ACOT7: variants seen among roughly 807,000 people sequenced by gnomAD.
The protein encoded by ACOT7 is cytosolic acyl coenzyme A thioester hydrolase.
ACOT7 carries 12 observed loss-of-function variants against 40.2 expected under a neutral mutation model. The ratio of observed to expected loss-of-function variants is 0.30; its 90% CI spans 0.19 to 0.48. The LOEUF is 0.48. Among genes scored for constraint, ACOT7 ranks in the 20% least tolerant of loss-of-function variants. The pLI is 0.99. For synonymous variants in ACOT7, 228 were observed against 219.5 expected (o/e 1.04, Z -0.34); for missense variants, 395 against 530.8 (o/e 0.74, Z 2.51).
At chr1:6,391,923 T>C (rs1310520107) in intron 1 of ACOT7, among the ~76,000 whole-genome samples, 3 of 151,724 alleles carry the variant, frequency 2.0e-5, no homozygotes, top group South Asian at 2.1e-4. Flanking sequence ...ATGCAGGCTG[T>C]CTGTCTCCAG....
intron 6 of ACOT7, among the ~76,000 whole-genome samples, chr1:6,314,581 C>A (rs966076470): frequency 2.0e-5 from 3 of 151,798 alleles, no homozygotes; most frequent in African/African-American, 7.3e-5. Flanking sequence ...TCAGTCTGTA[C>A]AAGCAAACGT....
At chr1:6,333,681 C>T in intron 3 of ACOT7, 113 bp from the exon 4 acceptor site, 1 of 993,860 alleles carries the variant, frequency 1.0e-6, no homozygotes, top group African/African-American at 1.6e-5. Context: ...CTGAAACACA[C>T]CACAGTGTGC....
At chr1:6,273,254 G>A (rs757706303) in intron 8 of ACOT7, among the ~76,000 whole-genome samples, 2 of 152,234 alleles carry the variant, frequency 1.3e-5, no homozygotes, top group African/African-American at 2.4e-5. Context: ...TCAGGCAGAG[G>A]GAAGGCGAGA....
chr1:6,297,575 ACACAT>A (rs1639844436), intron 6 of ACOT7, among the ~76,000 whole-genome samples: 2 of 152,264 alleles, frequency 1.3e-5, no homozygotes, highest in South Asian at 4.1e-4. Flanking sequence ...TCTTCAAGAA[ACACAT>A]CCACCTAATG....
intron 2 of ACOT7, among the ~76,000 whole-genome samples, chr1:6,340,529 T>C (rs1234665581): frequency 6.6e-6 from 1 of 152,172 alleles, no homozygotes; most frequent in Non-Finnish European, 1.5e-5. Context: ...AAGATAACCA[T>C]GGTTACTATT....
rs540394075 is a variant in ACOT7 at position 6,348,555 on chromosome 1, T to C, written c.261+1194A>G. 5.3e-5 allele frequency among the ~76,000 whole-genome samples: 8 copies of C among 152,204 alleles called. No homozygotes were observed. In the East Asian group the frequency reaches 9.7e-4, roughly 18 times the overall value. On this transcript the variant is annotated intron_variant, in intron 2 of 8. Transcript: ENST00000361521. The stretch of plus-strand genomic sequence containing the variant: ...GGGACAGAGCCCTCACAAATGGGAT[T>C]AGTGTCCTTATAAAAGGGCCTGAGA...
chr1:6,305,967 A>C (rs994293448), intron 6 of ACOT7, among the ~76,000 whole-genome samples: 1 of 151,922 alleles, frequency 6.6e-6, no homozygotes, highest in East Asian at 1.9e-4. Flanking sequence ...CTGGCGGATC[A>C]CTCGCGGTTA....
Position 6,366,349 on chromosome 1 carries a change from G to T in ACOT7, c.144-16483C>A, listed in dbSNP as rs150909096. 4.5e-3 allele frequency among the ~76,000 whole-genome samples: 692 copies of T among 152,158 alleles called. 7 individuals carry two copies. Among genetic ancestry groups the T allele is most frequent in the African/African-American group, 0.016 (649 of 41,526 alleles). ...TGTAATCCCAGCACTTTGGGACCCC[G>T]AGGTGGGAGAATCGCTTGTGCCCAG... On this transcript the variant is annotated intron_variant, in intron 1 of 8. Coordinates refer to ENST00000361521, the MANE Select transcript of ACOT7 (RefSeq NM_007274.4).
At chr1:6,320,884 T>G (rs1035113924) in intron 5 of ACOT7, among the ~76,000 whole-genome samples, 1 of 152,268 alleles carries the variant, frequency 6.6e-6, no homozygotes, top group African/African-American at 2.4e-5. Context: ...CCATCGTGTT[T>G]ACACGCAATT....
In ACOT7 at chr1:6,324,483, G is replaced by A. The variant is rs140648838; in HGVS notation, c.625+2816C>T. ...GCTGGCAAACAGAAGAGAATCCCAC[G>A]AGTAAAGGAATTTAAACTGATTGAA... On this transcript the variant is annotated intron_variant, in intron 5 of 8. Transcript: ENST00000361521. Among the ~76,000 whole-genome samples the A allele has an allele frequency of 3.9e-5, 6 of 152,268 alleles. No homozygotes were observed. The East Asian group carries it at 9.6e-4, about 24-fold the overall frequency.
intron 6 of ACOT7, among the ~76,000 whole-genome samples, chr1:6,307,130 C>T (rs1026254643): frequency 6.6e-6 from 1 of 152,250 alleles, no homozygotes. Context: ...GACTCCCAAC[C>T]AGCCAGCAGG....
rs1487536606 is a variant in ACOT7 at position 6,305,117 on chromosome 1, G to A, written c.713-10137C>T. Among the ~76,000 whole-genome samples, 828 of 147,092 alleles carry A rather than the reference G, an allele frequency of 5.6e-3. 7 individuals carry two copies. The highest frequency in any genetic ancestry group is 6.4e-3 in the Non-Finnish European group (429 of 66,564). ...CCCGGATGGGGCGGCTGGCCGGGCA[G>A]AGGGGCTCCTCTCTTCCCAGTAGGG... On this transcript the variant is annotated intron_variant, in intron 6 of 8. Coordinates refer to ENST00000361521, the MANE Select transcript of ACOT7 (RefSeq NM_007274.4).
At chr1:6,366,596 A>T (rs1378264885) in intron 1 of ACOT7, among the ~76,000 whole-genome samples, 1 of 151,950 alleles carries the variant, frequency 6.6e-6, no homozygotes, top group Admixed American at 6.6e-5. Flanking sequence ...CAAATAAAAA[A>T]AAAAAAAAAG....
rs1237122923 is a variant in ACOT7 at position 6,339,406 on chromosome 1, A to C, written c.418+27T>G. ...GTGTAGCCACGGCCCTTACTGCTCC[A>C]GTCAACACTGTCGCTCCCAGAAGTA... On this transcript the variant is annotated intron_variant, in intron 3 of 8. Coordinates refer to ENST00000361521, the MANE Select transcript of ACOT7 (RefSeq NM_007274.4). The C allele has an allele frequency of 1.9e-6, 3 of 1,611,788 alleles. No individual in the cohort carries two copies. In the African/African-American group the frequency reaches 4.0e-5, roughly 22 times the overall value.
intron 5 of ACOT7, among the ~76,000 whole-genome samples, chr1:6,320,177 G>A (rs1640603419): frequency 1.3e-5 from 2 of 152,360 alleles, no homozygotes; most frequent in African/African-American, 2.4e-5. Context: ...TGAAGATGAT[G>A]TAAACACCTA....
rs1640997831 is a variant in ACOT7 at position 6,332,846 on chromosome 1, AC to A, written c.510+630del. 3.3e-5 allele frequency among the ~76,000 whole-genome samples: 5 copies of A among 151,690 alleles called. No homozygotes were observed. The South Asian group carries it at 8.3e-4, about 25-fold the overall frequency. On this transcript the variant is annotated intron_variant, in intron 4 of 8. Transcript: ENST00000361521. ...AAAAAAACAAAAAAAAACAAAAAAAACAAAAAGAAAGAAAGAAAGAAAGATG... is the reference window on the plus strand; with the variant it reads ...AAAAAAACAAAAAAAAACAAAAAAAAAAAAAGAAAGAAAGAAAGAAAGATG...
In ACOT7 at chr1:6,306,582, C is replaced by T. The variant is rs1457261419; in HGVS notation, c.713-11602G>A. ...ACCTGGAGAACGATGTTTTCAAACA[C>T]CAAGATCCTAGAAGGCGAGTACTAG... On this transcript the variant is annotated intron_variant, in intron 6 of 8. Transcript: ENST00000361521. This position sits in a 1 kb window ranked among gnomAD's most constrained non-coding sequence, Gnocchi z 4.3. The T allele has an allele frequency of 1.0e-6, 1 of 985,398 alleles. No individual in the cohort carries two copies. Among genetic ancestry groups the T allele is most frequent in the Non-Finnish European group, 1.2e-6 (1 of 829,920 alleles). 61.0% of individuals were successfully genotyped at this position (985,398 alleles called of 1,614,324 possible).
chr1:6,298,300 A>C (rs2148399095), intron 6 of ACOT7, among the ~76,000 whole-genome samples: 1 of 152,170 alleles, frequency 6.6e-6, no homozygotes, highest in South Asian at 2.1e-4. Context: ...ATGCCCAGCT[A>C]ATTTTTGTAT....
chr1:6,270,636 G>A (rs890838494), intron 8 of ACOT7, among the ~76,000 whole-genome samples: 2 of 152,234 alleles, frequency 1.3e-5, no homozygotes, highest in African/African-American at 4.8e-5. Context: ...CCCAGGGCCA[G>A]GTTTGTTCAC....
Sources: allele counts gnomAD v4.1 joint callset (sites outside exome capture counted in the v4.1 genomes callset), GRCh38; gene constraint gnomAD v4.1.1; non-coding constraint Gnocchi (gnomAD v3.1); transcripts MANE v1.5; gene names NCBI Gene and HGNC (gene_info 2026-07-23, HGNC 2026-07-21).